CEP55: variants seen among roughly 807,000 people sequenced by gnomAD.
CEP55 encodes centrosomal protein of 55 kDa.
In CEP55, 57 loss-of-function variants were observed where a neutral mutation model predicts 63.2. That is an observed-to-expected ratio of 0.90 (90% CI 0.73 to 1.13). The LOEUF is 1.13. CEP55 is among the 50% of genes most tolerant of loss of function. CEP55 has a pLI of 0.00. For missense variants in CEP55, 456 were observed against 518.9 expected (o/e 0.88, Z 1.18); for synonymous variants, 178 against 191.6 (o/e 0.93, Z 0.59).
chr10:93,519,387 C>G (rs2057834521), intron 7 of CEP55, among the ~76,000 whole-genome samples: 1 of 152,208 alleles, frequency 6.6e-6, no homozygotes, highest in African/African-American at 2.4e-5. Context: ...ATCTCTTTCC[C>G]TTCTCCTTCT....
chr10:93,506,401 A>G (rs954425062), intron 3 of CEP55, among the ~76,000 whole-genome samples: 6 of 152,194 alleles, frequency 3.9e-5, no homozygotes, highest in African/African-American at 1.4e-4. Context: ...ACTGAGGGCT[A>G]TTCTGGCAAT....
chr10:93,507,164 T>G (rs1318868193), intron 4 of CEP55, 108 bp downstream of exon 4: 1 of 635,174 alleles, frequency 1.6e-6, no homozygotes, highest in Admixed American at 2.9e-5. Context: ...CTGAATGGTT[T>G]GAGAGCTTCA....
Position 93,528,045 on chromosome 10 carries a change from C to T in CEP55, c.1287C>T (p.Pro429=), listed in dbSNP as rs770553739. Residue 429 remains proline, a synonymous_variant, in exon 9 of 9, where the codon CCC becomes CCT. Transcript: ENST00000371485. The part of the protein sequence containing the change: ...REKVAASPKS[P]TAALNESLVE... ...AAGTTGCCGCCTCACCAAAAAGTCC[C>T]ACTGCTGCACTCAATGAAAGCCTGG... 1.9e-5 allele frequency: 31 copies of T among 1,613,898 alleles called. No individual in the cohort carries two copies. In the South Asian group the frequency reaches 3.4e-4, roughly 18 times the overall value.
intron 8 of CEP55, 96 bp downstream of exon 8, chr10:93,519,903 T>C (rs2057841778): frequency 7.7e-7 from 1 of 1,296,734 alleles, no homozygotes; most frequent in African/African-American, 1.5e-5. Flanking sequence ...AACACACAGC[T>C]AGCTGTATCT....
At chr10:93,517,299 G>A (rs544282487) in intron 6 of CEP55, 51 bp downstream of exon 6, 2 of 1,447,810 alleles carry the variant, frequency 1.4e-6, no homozygotes, top group African/African-American at 2.8e-5. Context: ...CACTTTCTAA[G>A]TGTCAGGGAC....
At chr10:93,520,791 T>TA (rs993943178) in intron 8 of CEP55, among the ~76,000 whole-genome samples, 28 of 152,276 alleles carry the variant, frequency 1.8e-4, no homozygotes, top group African/African-American at 6.5e-4. Context: ...ATGATAAAAG[T>TA]AAAAATCACT....
intron 3 of CEP55, among the ~76,000 whole-genome samples, 169 bp downstream of exon 3, chr10:93,503,557 A>G (rs1435947251): frequency 6.6e-6 from 1 of 152,136 alleles, no homozygotes; most frequent in Non-Finnish European, 1.5e-5. Flanking sequence ...TCCCTTCTCT[A>G]TAAGCAAAAA....
At chr10:93,513,950 C>CCTTT (rs1564765366) in intron 4 of CEP55, among the ~76,000 whole-genome samples, 1 of 144,388 alleles carries the variant, frequency 6.9e-6, no homozygotes, top group Non-Finnish European at 1.5e-5. Context: ...TCCCCCTCCC[C>CCTTT]TTTTTTTTTT....
chr10:93,520,203 G>A (rs767108723), intron 8 of CEP55: 11 of 205,008 alleles, frequency 5.4e-5, no homozygotes, highest in African/African-American at 9.4e-5. Flanking sequence ...CAAGGCAGGC[G>A]GATCATGAGG....
intron 8 of CEP55, among the ~76,000 whole-genome samples, chr10:93,521,989 T>TG (rs1462278592): frequency 6.6e-6 from 1 of 151,858 alleles, no homozygotes; most frequent in African/African-American, 2.4e-5. Flanking sequence ...ACCACAAAGA[T>TG]GGGGAAAAAA....
At chr10:93,523,197 T>C (rs1004803722) in intron 8 of CEP55, among the ~76,000 whole-genome samples, 1 of 152,110 alleles carries the variant, frequency 6.6e-6, no homozygotes, top group African/African-American at 2.4e-5. Flanking sequence ...GAAACCCATC[T>C]CACATGCAGT....
In CEP55 at chr10:93,517,209, TGAAGAA is replaced by T; in HGVS notation, c.957_962del (p.Glu320_Glu321del). On this transcript the variant is annotated inframe_deletion, in exon 6 of 9. Transcript: ENST00000371485. ...AGAATGATATTGCTAGGGGAAAACTTGAAGAAGAGAAGAAGAGATCCGAAGAGCTCT... is the reference window on the plus strand; with the variant it reads ...AGAATGATATTGCTAGGGGAAAACTTGAGAAGAAGAGATCCGAAGAGCTCT... The T allele has an allele frequency of 6.2e-7, 1 of 1,608,892 alleles. No individual in the cohort carries two copies. The highest frequency in any genetic ancestry group is 8.5e-7 in the Non-Finnish European group (1 of 1,177,864).
chr10:93,518,189 G>A (rs146409576), intron 6 of CEP55, among the ~76,000 whole-genome samples: 8,497 of 149,798 alleles, frequency 0.057, 345 homozygotes, highest in East Asian at 0.2. Context: ...TTGCTCTGTC[G>A]CCCAGGCTGG....
intron 8 of CEP55, among the ~76,000 whole-genome samples, chr10:93,522,856 A>C (rs2057878485): frequency 6.6e-6 from 1 of 152,220 alleles, no homozygotes; most frequent in South Asian, 2.1e-4. Flanking sequence ...TAAGTGAAGG[A>C]AAAATAAAAT....
chr10:93,526,388 C>T (rs556070736), intron 8 of CEP55, among the ~76,000 whole-genome samples: 1 of 151,964 alleles, frequency 6.6e-6, no homozygotes, highest in African/African-American at 2.4e-5. Context: ...CAATGAGATA[C>T]CATCTCACAC....
chr10:93,513,015 CAG>C (rs971598462), intron 4 of CEP55, among the ~76,000 whole-genome samples: 1 of 152,120 alleles, frequency 6.6e-6, no homozygotes, highest in African/African-American at 2.4e-5. Context: ...TTCAATAAGA[CAG>C]ACTCTTTAAA....
chr10:93,512,226 C>A lies in CEP55; in HGVS notation c.529-3179C>A, dbSNP rs370551597. Among the ~76,000 whole-genome samples the A allele has an allele frequency of 2.4e-3, 285 of 120,158 alleles. 2 individuals carry two copies. Among genetic ancestry groups the A allele is most frequent in the African/African-American group, 2.5e-3 (77 of 30,964 alleles). The allele number at this position is 120,158 out of a possible 152,430, so 78.8% of individuals were successfully genotyped here. A position where few individuals can be genotyped will look rare whatever the true frequency, so the allele number is the denominator to read the frequency against. On this transcript the variant is annotated intron_variant, in intron 4 of 8. Coordinates refer to ENST00000371485, the MANE Select transcript of CEP55 (RefSeq NM_018131.5). The stretch of plus-strand genomic sequence containing the variant: ...GGGGCCACAGAGCGAGACTCCGTTT[C>A]AAAAAAAAAAAAAATTGGCCGGGCT...
At chr10:93,525,305 G>A (rs1159178140) in intron 8 of CEP55, among the ~76,000 whole-genome samples, 1 of 152,000 alleles carries the variant, frequency 6.6e-6, no homozygotes, top group East Asian at 1.9e-4. Context: ...AACAGACAGA[G>A]AGCCAAATCA....
intron 8 of CEP55, among the ~76,000 whole-genome samples, chr10:93,524,094 C>A (rs1428443042): frequency 8.6e-5 from 13 of 152,042 alleles, no homozygotes; most frequent in Non-Finnish European, 1.6e-4. Context: ...AAGATCAGAG[C>A]AGAACTGAAG....
Sources: gnomAD v4.1 joint callset for allele counts (sites outside exome capture counted in the v4.1 genomes callset) on GRCh38, gnomAD v4.1.1 for gene constraint, MANE v1.5 for transcripts, NCBI Gene and HGNC (gene_info 2026-07-23, HGNC 2026-07-21) for gene names.